PLEKHG5: variants seen among roughly 807,000 people sequenced by gnomAD.
PLEKHG5 encodes pleckstrin homology and RhoGEF domain containing G5, also known as pleckstrin homology domain-containing family G member 5.
In PLEKHG5, 52 loss-of-function variants were observed where a neutral mutation model predicts 103.8. The ratio of observed to expected loss-of-function variants is 0.50; its 90% CI spans 0.40 to 0.63. The LOEUF is 0.63. PLEKHG5 is among the 30% of genes least tolerant of loss of function. The pLI, the probability that PLEKHG5 is intolerant of heterozygous loss-of-function variation, is 0.00. For synonymous variants in PLEKHG5, 592 were observed against 575.5 expected, an observed-to-expected ratio of 1.03 and a Z score of -0.41; for missense variants, 1,205 against 1,347.6, an observed-to-expected ratio of 0.89 and a Z score of 1.66.
rs1644645110 is a variant in PLEKHG5, at chr1:6,473,108, G to C, written c.862C>G (p.Leu288Val). 1.9e-6 allele frequency: 3 copies of C among 1,613,930 alleles called. No homozygotes were observed. Among genetic ancestry groups the C allele is most frequent in the Non-Finnish European group, 2.5e-6 (3 of 1,179,888 alleles). The part of the protein sequence containing the change: ...HTYSLFGLPR[L>V]PRGLRFDHDS... ...TGGTCGAAGCGCAGCCCCCGGGGCA[G>C]CCTGGGCAGCCCGAAGAGGCTGTAG... The change falls in exon 9 of 21, where the codon CTG (leucine) becomes GTG (valine). Residue 288 changes from leucine (L) to valine (V), a missense_variant. Leu to Val is a conservative substitution (Grantham distance 32). Transcript: ENST00000377728.
chr1:6,470,539 C>T lies in PLEKHG5; in HGVS notation c.1647G>A (p.Glu549=), dbSNP rs770781624. 38 of 1,607,902 alleles carry T rather than the reference C, an allele frequency of 2.4e-5. No homozygotes were observed. The highest frequency in any genetic ancestry group is 3.1e-5 in the Non-Finnish European group (37 of 1,179,880). Residue 549 remains glutamate (E), a synonymous_variant, in exon 15 of 21, where the codon GAG becomes GAA. Transcript: ENST00000377728. ...CTTCGTCGCTGCTGCTTTCCACCAC[C>T]TCGTAGGCGTCGATGCGGCTCACCA... ...AAVVSRIDAY[E]VVESSSDEVD... is the part of the protein sequence containing the mutation.
intron 1 of PLEKHG5, among the ~76,000 whole-genome samples, chr1:6,519,050 A>G (rs4515814): frequency 0.98 from 148,503 of 152,306 alleles, 72,509 homozygotes; most frequent in Non-Finnish European, 1. Context: ...CACCGTGTTA[A>G]CCAGGATGGT....
intron 11 of PLEKHG5, 45 bp downstream of exon 11, chr1:6,471,713 C>G (rs1240473188): frequency 6.3e-7 from 1 of 1,594,834 alleles, no homozygotes; most frequent in African/African-American, 1.3e-5. Flanking sequence ...GTCCCGCCCT[C>G]CTTCCTGGTA....
At chr1:6,510,015 C>T (rs529341981) in intron 1 of PLEKHG5, among the ~76,000 whole-genome samples, 2 of 152,194 alleles carry the variant, frequency 1.3e-5, no homozygotes, top group Non-Finnish European at 2.9e-5. Context: ...CTTCCTCTCC[C>T]GGTGTCTGAG....
chr1:6,493,095 T>G (rs1009129899), upstream of PLEKHG5, among the ~76,000 whole-genome samples: 3 of 152,148 alleles, frequency 2.0e-5, no homozygotes, highest in Non-Finnish European at 2.9e-5. Context: ...AGGGGACAGA[T>G]GGCAAATTCA....
At chr1:6,519,638 T>A in exon 1 of PLEKHG5, 1 of 761,842 alleles carries the variant, frequency 1.3e-6, no homozygotes, top group Non-Finnish European at 2.3e-6. Context: ...CATGGAAGGC[T>A]TCTCCCCGAC....
chr1:6,519,444 C>T lies in PLEKHG5; in HGVS notation c.-165+1G>A, dbSNP rs773866141. 5.0e-6 allele frequency: 8 copies of T among 1,610,360 alleles called. No individual in the cohort carries two copies. The highest frequency in any genetic ancestry group is 6.8e-6 in the Non-Finnish European group (8 of 1,176,488). On this transcript the variant is annotated splice_donor_variant, in intron 1 of 21. Coordinates refer to the PLEKHG5 transcript ENST00000377740. LOFTEE classifies it low-confidence loss of function (5UTR_SPLICE). ...ACAAAAGAGATAGAAAACATACTCA[C>T]CGGTTCCTGAACAAAGGCTGAGCCA...
At chr1:6,514,416 T>A (rs923343971) in intron 1 of PLEKHG5, among the ~76,000 whole-genome samples, 8 of 151,460 alleles carry the variant, frequency 5.3e-5, no homozygotes, top group African/African-American at 1.9e-4. Context: ...ATTGTGCCAC[T>A]GCACTCCAGC....
chr1:6,492,978 A>C (rs1645173569), upstream of PLEKHG5, among the ~76,000 whole-genome samples: 1 of 138,996 alleles, frequency 7.2e-6, no homozygotes, highest in African/African-American at 2.6e-5. Context: ...CTGCTCACTC[A>C]GCTGTCCTCC....
rs775410498 is a variant in PLEKHG5, at chr1:6,470,233, C to T, written c.1800+3G>A. ...CACAGGGGTGGGGTGGCCCTGGAAT[C>T]ACCTTGCTGTCCTTCCCCTCCTTCA... On this transcript the variant is annotated splice_donor_region_variant and intron_variant, in intron 16 of 20. Coordinates refer to ENST00000377728, the MANE Select transcript of PLEKHG5 (RefSeq NM_020631.6). 1 of 1,613,888 alleles carries T rather than the reference C, an allele frequency of 6.2e-7. No homozygotes were observed. The highest frequency in any genetic ancestry group is 8.5e-7 in the Non-Finnish European group (1 of 1,179,948).
chr1:6,512,184 G>A (rs1638491929), intron 1 of PLEKHG5, among the ~76,000 whole-genome samples: 1 of 152,188 alleles, frequency 6.6e-6, no homozygotes, highest in Non-Finnish European at 1.5e-5. Context: ...AAGGGGTTGG[G>A]TGCTGCCGCA....
chr1:6,507,858 G>A (rs1638367314), intron 1 of PLEKHG5, among the ~76,000 whole-genome samples: 1 of 152,228 alleles, frequency 6.6e-6, no homozygotes, highest in Non-Finnish European at 1.5e-5. Context: ...GCCCACAGGA[G>A]CTGGGGGTGT....
Position 6,487,425 on chromosome 1 carries a change from G to GTTTT in PLEKHG5, c.-88+4211_-88+4212insAAAA, listed in dbSNP as rs1645062837. 2.0e-5 allele frequency among the ~76,000 whole-genome samples: 3 copies of GTTTT among 152,200 alleles called. No homozygotes were observed. The highest frequency in any genetic ancestry group is 4.4e-5 in the Non-Finnish European group (3 of 68,034). On this transcript the variant is annotated intron_variant, in intron 1 of 20. Transcript: ENST00000377728. The surrounding 1 kb of genome is among the most constrained non-coding windows in gnomAD (Gnocchi z 4.1). ...AGCCACCACACCCGGCCAACAGGCAGAGTTTTGAAAACTAAAACTTCCCAT... is the reference window on the plus strand; with the variant it reads ...AGCCACCACACCCGGCCAACAGGCAGTTTTAGTTTTGAAAACTAAAACTTCCCAT...
rs1378824291 is a variant in PLEKHG5, at chr1:6,469,605, G to C, written c.1872C>G (p.Thr624=). ...CGAGCAGGGGTGGCCTGATGACCCTGGTCCTCTCTGCCTTCTTCACTGCTT... is the reference window on the plus strand; with the variant it reads ...CGAGCAGGGGTGGCCTGATGACCCTCGTCCTCTCTGCCTTCTTCACTGCTT... ...VTKAVKKAER[T]RVIRPPLLVD... is the part of the protein sequence containing the mutation. The change falls in exon 17 of 21, where the codon ACC becomes ACG. Residue 624 remains threonine (T), a synonymous_variant. Coordinates refer to ENST00000377728, the MANE Select transcript of PLEKHG5 (RefSeq NM_020631.6). 1.2e-6 allele frequency: 2 copies of C among 1,613,708 alleles called. No individual in the cohort carries two copies. Among genetic ancestry groups the C allele is most frequent in the African/African-American group, 2.7e-5 (2 of 74,924 alleles).
chr1:6,470,929 A>AC, intron 13 of PLEKHG5, 45 bp from the exon 14 acceptor site: 5 of 1,442,602 alleles, frequency 3.5e-6, no homozygotes, highest in Non-Finnish European at 3.8e-6. Context: ...GCCCCGCCCC[A>AC]CCCGGCCCCG....
intron 1 of PLEKHG5, among the ~76,000 whole-genome samples, chr1:6,504,313 C>A (rs904051001): frequency 6.6e-6 from 1 of 152,164 alleles, no homozygotes; most frequent in African/African-American, 2.4e-5. Context: ...TGCTGCCTCC[C>A]GCATCCCCAC....
intron 2 of PLEKHG5, among the ~76,000 whole-genome samples, chr1:6,476,251 C>T (rs1291296878): frequency 6.6e-6 from 1 of 152,226 alleles, no homozygotes; most frequent in Non-Finnish European, 1.5e-5. Context: ...AGTGCAGTGG[C>T]ATGATCTCGG....
In PLEKHG5 at chr1:6,475,250, T is replaced by TCCCCACCC. The variant is rs1569884460; in HGVS notation, c.211-113_211-112insGGGTGGGG. On this transcript the variant is annotated intron_variant, in intron 4 of 20. Transcript: ENST00000377728. The stretch of plus-strand genomic sequence containing the variant: ...TTCCCAACCCTCCTCCCCACCCTCC[T>TCCCCACCC]TCCCACCCTCCTTCCCAACCCTCCT... 217 of 330,052 alleles carry TCCCCACCC rather than the reference T, an allele frequency of 6.6e-4. 6 individuals are homozygous for TCCCCACCC. The East Asian group carries it at 0.02, about 30-fold the overall frequency. 20.4% of individuals were successfully genotyped at this position (330,052 alleles called of 1,614,324 possible).
intron 1 of PLEKHG5, among the ~76,000 whole-genome samples, chr1:6,508,604 G>C (rs368344142): frequency 9.2e-5 from 14 of 152,318 alleles, no homozygotes; most frequent in African/African-American, 3.1e-4. Context: ...CCTTTTCCTC[G>C]GGTCTGGGGA....
Sources: allele counts gnomAD v4.1 joint callset (sites outside exome capture counted in the v4.1 genomes callset), GRCh38; gene constraint gnomAD v4.1.1; non-coding constraint Gnocchi (gnomAD v3.1); transcripts MANE v1.5; gene names NCBI Gene and HGNC (gene_info 2026-07-23, HGNC 2026-07-21).